Variants in LRP1B observed in about 807,000 individuals in gnomAD.
LRP1B encodes the protein low-density lipoprotein receptor-related protein 1B.
LRP1B carries 217 observed loss-of-function variants against 556.6 expected under a neutral mutation model. The ratio of observed to expected loss-of-function variants is 0.39; its 90% CI spans 0.35 to 0.44. The LOEUF (loss-of-function observed/expected upper bound fraction) is 0.44. Ranked by LOEUF, LRP1B falls within the 20% of genes least tolerant of loss-of-function variation. The probability of loss-of-function intolerance (pLI) is 1.00; values close to 1 mark genes in which losing one functional copy is unlikely to be tolerated. For synonymous variants in LRP1B, 2,047 were observed against 1,865.8 expected, an observed-to-expected ratio of 1.10 and a Z score of -2.50; for missense variants, 5,053 against 5,620.8, an observed-to-expected ratio of 0.90 and a Z score of 3.23.
chr2:140,661,354 C>T (rs1685085003), intron 41 of LRP1B, among the ~76,000 whole-genome samples: 1 of 151,760 alleles, frequency 6.6e-6, no homozygotes, highest in African/African-American at 2.4e-5. Context: ...TATGGGTCCA[C>T]AGAGAAAGTT....
At chr2:142,106,234 TAAAC>T in intron 1 of LRP1B, among the ~76,000 whole-genome samples, 1 of 152,316 alleles carries the variant, frequency 6.6e-6, no homozygotes, top group African/African-American at 2.4e-5. Context: ...AAACAAGAAT[TAAAC>T]AAAAGAAATA....
At chr2:140,843,725 CT>C (rs1692191705) in intron 29 of LRP1B, among the ~76,000 whole-genome samples, 1 of 152,228 alleles carries the variant, frequency 6.6e-6, no homozygotes, top group South Asian at 2.1e-4. Flanking sequence ...AATCATGTCT[CT>C]TGTGTATCTC....
At chr2:141,076,938 A>T (rs367819650) in intron 7 of LRP1B, among the ~76,000 whole-genome samples, 2 of 152,308 alleles carry the variant, frequency 1.3e-5, no homozygotes, top group South Asian at 2.1e-4. Flanking sequence ...TTAGTCTCAT[A>T]ATCAAAGAAT....
At chr2:141,444,022 C>T (rs897576550) in intron 3 of LRP1B, among the ~76,000 whole-genome samples, 4 of 152,010 alleles carry the variant, frequency 2.6e-5, no homozygotes, top group African/African-American at 9.7e-5. Context: ...TTACTTTGGG[C>T]AGTATGGCCA....
intron 7 of LRP1B, among the ~76,000 whole-genome samples, chr2:141,078,586 G>C (rs1574051838): frequency 6.7e-6 from 1 of 149,376 alleles, no homozygotes. Context: ...TCTGAGGTAT[G>C]TGTAAGTGCA....
intron 41 of LRP1B, among the ~76,000 whole-genome samples, chr2:140,652,845 G>A (rs1301138046): frequency 6.6e-6 from 1 of 151,994 alleles, no homozygotes; most frequent in Non-Finnish European, 1.5e-5. Flanking sequence ...TGAGATTACT[G>A]AAACCAGTTA....
chr2:141,984,251 T>C (rs192562819), intron 1 of LRP1B, among the ~76,000 whole-genome samples: 21 of 152,076 alleles, frequency 1.4e-4, no homozygotes, highest in Admixed American at 1.1e-3. Flanking sequence ...CTTGGTATGC[T>C]GCACCCATAA....
At chr2:141,280,033 G>C (rs1685452548) in intron 3 of LRP1B, among the ~76,000 whole-genome samples, 1 of 152,020 alleles carries the variant, frequency 6.6e-6, no homozygotes, top group South Asian at 2.1e-4. Flanking sequence ...AAAAGCCCAA[G>C]TAAACAAGTT....
Position 142,059,380 on chromosome 2 carries a change from G to T in LRP1B, c.82+71268C>A, listed in dbSNP as rs190415998. Among the ~76,000 whole-genome samples the T allele has an allele frequency of 1.3e-4, 20 of 152,142 alleles. No homozygotes were observed. In the East Asian group the frequency reaches 3.5e-3, roughly 27 times the overall value. Reference sequence around the variant, plus strand: ...GGTCTATCAGTTCAATGTCAATATTGTTTGTTCCTTATATCCACATCCTAT... The same window carrying T: ...GGTCTATCAGTTCAATGTCAATATTTTTTGTTCCTTATATCCACATCCTAT... On this transcript the variant is annotated intron_variant, in intron 1 of 90. Coordinates refer to ENST00000389484, the MANE Select transcript of LRP1B (RefSeq NM_018557.3).
At chr2:142,035,519 A>G (rs1010016433) in intron 1 of LRP1B, among the ~76,000 whole-genome samples, 35 of 151,520 alleles carry the variant, frequency 2.3e-4, no homozygotes, top group African/African-American at 8.2e-4. Context: ...TTAGAGAACC[A>G]CTGTAACACC....
At chr2:141,389,292 T>C (rs1404494277) in intron 3 of LRP1B, among the ~76,000 whole-genome samples, 1 of 152,134 alleles carries the variant, frequency 6.6e-6, no homozygotes, top group African/African-American at 2.4e-5. Flanking sequence ...ATCAATGGAA[T>C]AGAATTAAGA....
intron 17 of LRP1B, among the ~76,000 whole-genome samples, chr2:140,986,732 C>T (rs1230225393): frequency 6.6e-6 from 1 of 152,112 alleles, no homozygotes; most frequent in Admixed American, 6.6e-5. Flanking sequence ...ACTTCTTTCT[C>T]CCAGTCTTCA....
At chr2:140,393,000 G>T (rs1387872793) in intron 66 of LRP1B, among the ~76,000 whole-genome samples, 1 of 151,376 alleles carries the variant, frequency 6.6e-6, no homozygotes, top group Non-Finnish European at 1.5e-5. Context: ...TGCAATCATA[G>T]CTCACTGCAA....
intron 1 of LRP1B, among the ~76,000 whole-genome samples, chr2:141,953,566 G>A (rs1456885016): frequency 6.6e-6 from 1 of 151,936 alleles, no homozygotes; most frequent in Admixed American, 6.6e-5. Flanking sequence ...TTTACTTTGT[G>A]AGCACTCAGG....
At chr2:140,373,407 T>C (rs1683079622) in intron 68 of LRP1B, among the ~76,000 whole-genome samples, 1 of 152,074 alleles carries the variant, frequency 6.6e-6, no homozygotes. Flanking sequence ...ATGCTAATAT[T>C]TTAAGCCCAT....
At chr2:141,393,114 T>C (rs1367113169) in intron 3 of LRP1B, among the ~76,000 whole-genome samples, 2 of 152,172 alleles carry the variant, frequency 1.3e-5, no homozygotes, top group African/African-American at 4.8e-5. Flanking sequence ...CAAGATTATA[T>C]TGGGCAGAAG....
At chr2:140,286,746 T>C (rs1046897352) in intron 84 of LRP1B, among the ~76,000 whole-genome samples, 3 of 151,892 alleles carry the variant, frequency 2.0e-5, no homozygotes, top group African/African-American at 7.2e-5. Flanking sequence ...TTAATGTTTA[T>C]TTTCATTATC....
In LRP1B at chr2:141,693,403, T is replaced by C. The variant is rs188510308; in HGVS notation, c.205+116876A>G. On this transcript the variant is annotated intron_variant, in intron 2 of 90. Transcript: ENST00000389484. ...GTAGCTTATTTTAATCTATAACCAT[T>C]CCCAAATTTATTAAAGATATTAGTT... Among the ~76,000 whole-genome samples, 787 of 152,110 alleles carry C rather than the reference T, an allele frequency of 5.2e-3. 1 individual carries two copies. The highest frequency in any genetic ancestry group is 8.7e-3 in the Non-Finnish European group (593 of 67,944).
At chr2:140,451,982 C>A (rs1293252496) in intron 62 of LRP1B, among the ~76,000 whole-genome samples, 1 of 151,934 alleles carries the variant, frequency 6.6e-6, no homozygotes, top group Non-Finnish European at 1.5e-5. Flanking sequence ...ATTTTAACTC[C>A]TCCCTTTAAA....
Sources: allele counts gnomAD v4.1 joint callset (sites outside exome capture counted in the v4.1 genomes callset), GRCh38; gene constraint gnomAD v4.1.1; transcripts MANE v1.5; gene names NCBI Gene and HGNC (gene_info 2026-07-23, HGNC 2026-07-21).